The following XAF1 variants were observed in gnomAD, a reference collection of about 807,000 sequenced individuals.
XAF1 encodes the protein XIAP-associated factor 1.
Under a neutral mutation model 32.3 loss-of-function variants are expected in XAF1, and 32 were observed. The observed-to-expected ratio is 0.99, with a 90% CI of 0.75 to 1.33. The LOEUF (loss-of-function observed/expected upper bound fraction) is 1.33. XAF1 is among the 40% of genes most tolerant of loss of function. XAF1 has a pLI of 0.00. For synonymous variants in XAF1, 120 were observed against 125.9 expected (o/e 0.95, Z 0.31); for missense variants, 379 against 366.0 (o/e 1.04, Z -0.29).
chr17:6,769,201 G>A (rs1457068192), intron 5 of XAF1, among the ~76,000 whole-genome samples: 10 of 151,104 alleles, frequency 6.6e-5, no homozygotes, highest in Non-Finnish European at 4.4e-5. Flanking sequence ...CTAATTTTCT[G>A]TTTTTAGCCC....
upstream of XAF1, chr17:6,756,033 G>C (rs746755931): frequency 6.2e-7 from 1 of 1,613,588 alleles, no homozygotes; most frequent in Non-Finnish European, 8.5e-7. Flanking sequence ...TTGTTTCCTT[G>C]CCTGCAAGAA....
Position 6,773,583 on chromosome 17 carries a change from G to T in XAF1, c.*414G>T, listed in dbSNP as rs151094017. ...AATCAGGCAAGAGAAAGAAATAAAA[G>T]GCAACCAAAAAGAAAGGAAGTCGAA... On this transcript the variant is annotated 3_prime_UTR_variant, in exon 7 of 7. Transcript: ENST00000361842. 25 of 154,290 alleles carry T rather than the reference G, an allele frequency of 1.6e-4. No homozygotes were observed. The highest frequency in any genetic ancestry group is 2.7e-4 in the Non-Finnish European group (19 of 69,566). The allele number at this position is 154,290 out of a possible 1,614,324, so 9.6% of individuals were successfully genotyped here.
In XAF1 at chr17:6,763,593, A is replaced by G. The variant is rs138763899; in HGVS notation, c.507+1353A>G. On this transcript the variant is annotated intron_variant, in intron 5 of 6. Coordinates refer to ENST00000361842, the MANE Select transcript of XAF1 (RefSeq NM_017523.5). ...GTTATCCGCCTTCCTCGGCCTCCCA[A>G]AGTTAATGGCCTTTTTACGGTCATC... is the stretch of plus-strand genomic sequence containing the variant. Among the ~76,000 whole-genome samples the G allele has an allele frequency of 6.6e-3, 1,000 of 152,162 alleles. 11 individuals carry two copies. Among genetic ancestry groups the G allele is most frequent in the African/African-American group, 0.023 (947 of 41,502 alleles).
In XAF1 at chr17:6,770,801, T is replaced by G; in HGVS notation, c.666T>G (p.Leu222=). The change falls in exon 6 of 7, where the codon CTT becomes CTG. Residue 222 remains leucine (L), a synonymous_variant. Coordinates refer to ENST00000361842, the MANE Select transcript of XAF1 (RefSeq NM_017523.5). ...CAAGAAGTATAAACAGATTTCCTCT[T>G]CATTCTGAAAGTTCATCAAAGAAAG... is the stretch of plus-strand genomic sequence containing the variant. ...PKTRSINRFP[L]HSESSSKKAP... 2 of 1,613,802 alleles carry G rather than the reference T, an allele frequency of 1.2e-6. No homozygotes were observed. Among genetic ancestry groups the G allele is most frequent in the Non-Finnish European group, 1.7e-6 (2 of 1,179,938 alleles).
intron 4 of XAF1, 132 bp downstream of exon 4, chr17:6,760,733 G>C (rs1975129148): frequency 1.0e-6 from 1 of 966,640 alleles, no homozygotes; most frequent in Non-Finnish European, 1.5e-6. Context: ...CAATTCATCT[G>C]GCTATTCTAA....
intron 6 of XAF1, 127 bp downstream of exon 6, chr17:6,771,111 T>C: frequency 2.0e-6 from 2 of 987,478 alleles, no homozygotes; most frequent in Non-Finnish European, 3.0e-6. Flanking sequence ...GACTCCCACT[T>C]CTCTGGGTGC....
intron 5 of XAF1, among the ~76,000 whole-genome samples, chr17:6,767,736 ACTGCTG>A (rs36030643): frequency 4.6e-5 from 7 of 151,352 alleles, no homozygotes; most frequent in Non-Finnish European, 8.8e-5. Context: ...GTTCATTACT[ACTGCTG>A]CTGCTGCTGC....
At chr17:6,770,375 C>T (rs1385133728) in intron 5 of XAF1, among the ~76,000 whole-genome samples, 1 of 152,140 alleles carries the variant, frequency 6.6e-6, no homozygotes, top group East Asian at 1.9e-4. Flanking sequence ...CCCCGAAGGC[C>T]CCACCTCTTA....
At chr17:6,765,485 A>G (rs1975545735) in intron 5 of XAF1, among the ~76,000 whole-genome samples, 1 of 152,214 alleles carries the variant, frequency 6.6e-6, no homozygotes, top group African/African-American at 2.4e-5. Flanking sequence ...TTCCAAATTT[A>G]TATCTCAGTC....
intron 1 of XAF1, 131 bp downstream of exon 1, chr17:6,756,241 A>C: frequency 7.4e-6 from 11 of 1,479,468 alleles, no homozygotes; most frequent in South Asian, 1.2e-5. Context: ...GCAGCTGGAG[A>C]CCGTGGGCCC....
intron 5 of XAF1, among the ~76,000 whole-genome samples, chr17:6,769,347 T>G (rs1235587774): frequency 6.6e-6 from 1 of 152,214 alleles, no homozygotes; most frequent in African/African-American, 2.4e-5. Context: ...TTAACTTGAT[T>G]TAATCATCCC....
chr17:6,772,853 T>G (rs1484184830), intron 6 of XAF1: 4 of 371,870 alleles, frequency 1.1e-5, no homozygotes, highest in Non-Finnish European at 1.9e-5. Flanking sequence ...TTTTTATTAA[T>G]GGCTGCCTAA....
intron 5 of XAF1, among the ~76,000 whole-genome samples, chr17:6,768,269 G>T (rs1279265226): frequency 1.3e-5 from 2 of 152,046 alleles, no homozygotes; most frequent in Non-Finnish European, 2.9e-5. Flanking sequence ...TACTACAGGT[G>T]TGTGCCACCA....
chr17:6,765,021 C>A (rs1975490435), intron 5 of XAF1, among the ~76,000 whole-genome samples: 1 of 152,158 alleles, frequency 6.6e-6, no homozygotes, highest in African/African-American at 2.4e-5. Context: ...ACCTCCCCAG[C>A]CTCTTAATTT....
rs1976060642 is a variant in XAF1 at position 6,771,884 on chromosome 17, TC to T, written c.849+901del. The T allele has an allele frequency of 1.3e-5, 2 of 152,226 alleles. 1 individual carries two copies. Among genetic ancestry groups the T allele is most frequent in the South Asian group, 4.1e-4 (2 of 4,832 alleles). The allele number at this position is 152,226 out of a possible 1,614,324, so 9.4% of individuals were successfully genotyped here. ...ACCACTTTGGACAGTCTTATGGGCA[TC>T]TTTTCAAAGCTCTACCTTTGCATAT... On this transcript the variant is annotated intron_variant, in intron 6 of 6. Coordinates refer to ENST00000361842, the MANE Select transcript of XAF1 (RefSeq NM_017523.5).
At chr17:6,759,751 CAAAT>C (rs771969283) in intron 3 of XAF1, 33 bp downstream of exon 3, 1 of 1,613,684 alleles carries the variant, frequency 6.2e-7, no homozygotes, top group Non-Finnish European at 8.5e-7. Flanking sequence ...CCTTTACAGC[CAAAT>C]AGACCAACCT....
At chr17:6,756,454 A>G (rs1974666047) in intron 1 of XAF1, among the ~76,000 whole-genome samples, 1 of 151,824 alleles carries the variant, frequency 6.6e-6, no homozygotes, top group Admixed American at 6.6e-5. Context: ...TATGACCTTC[A>G]CACCCATCTG....
Position 6,759,704 on chromosome 17 carries a change from C to G in XAF1, c.211C>G (p.Leu71Val). 1 of 1,613,976 alleles carries G rather than the reference C, an allele frequency of 6.2e-7. No homozygotes were observed. Among genetic ancestry groups the G allele is most frequent in the Non-Finnish European group, 8.5e-7 (1 of 1,180,016 alleles). The change falls in exon 3 of 7, where the codon CTG becomes GTG. Residue 71 changes from leucine (L) to valine (V), a missense_variant. By Grantham distance (32) the Leu-to-Val change is conservative. Transcript: ENST00000361842. Reference protein sequence around the residue: ...MCQQSMQKSSLEFHKANECQE... With the variant: ...MCQQSMQKSSVEFHKANECQE... The stretch of plus-strand genomic sequence containing the variant: ...TCAGCAGAGCATGCAGAAGTCCTCG[C>G]TGGAGTTTCATAAGGTAAGAGCCCC...
In XAF1 at chr17:6,762,116, A is replaced by G. The variant is rs200168239; in HGVS notation, c.422-39A>G. On this transcript the variant is annotated intron_variant, in intron 4 of 6. Transcript: ENST00000361842. ...GGGAGAGCTGGGCTAGCCGTTGACA[A>G]GGACAATCATTTGTGGTGTTGTTTC... 6.6e-5 allele frequency: 107 copies of G among 1,611,532 alleles called. No individual in the cohort carries two copies. The East Asian group carries it at 2.2e-3, about 33-fold the overall frequency.
Sources: gnomAD v4.1 joint callset for allele counts (sites outside exome capture counted in the v4.1 genomes callset) on GRCh38, gnomAD v4.1.1 for gene constraint, MANE v1.5 for transcripts, NCBI Gene and HGNC (gene_info 2026-07-23, HGNC 2026-07-21) for gene names.